The following MTCL3 variants were observed in gnomAD, a reference collection of about 807,000 sequenced individuals.
MTCL3 encodes microtubule cross-linking factor 3.
chr6:127,508,864 A>G, the MTCL3 span, among the ~76,000 whole-genome samples: 1 of 152,204 alleles, frequency 6.6e-6, no homozygotes, highest in Non-Finnish European at 1.5e-5. Flanking sequence ...GCGGAACCTC[A>G]TGACAGGCAG....
chr6:127,515,007 C>T, the MTCL3 span: 2 of 1,614,160 alleles, frequency 1.2e-6, no homozygotes, highest in African/African-American at 1.3e-5. The surrounding 1 kb of genome is among the most constrained non-coding windows in gnomAD (Gnocchi z 4.3). Flanking sequence ...GAAAGTGTCC[C>T]TCATCTCGTC....
At chr6:127,512,969 A>G in the MTCL3 span, 130 of 1,611,810 alleles carry the variant, frequency 8.1e-5, no homozygotes, top group Admixed American at 5.0e-4. Context: ...TCAGTTTCTC[A>G]TTTTCATCTT....
the MTCL3 span, chr6:127,476,505 C>A: frequency 6.8e-7 from 1 of 1,481,422 alleles, no homozygotes; most frequent in Non-Finnish European, 9.0e-7. This position sits in a 1 kb window ranked among gnomAD's most constrained non-coding sequence, Gnocchi z 4.4. Context: ...GATAGGAGAT[C>A]ATTTTTATGT....
the MTCL3 span, chr6:127,515,822 T>C: frequency 6.2e-7 from 1 of 1,603,988 alleles, no homozygotes; most frequent in Non-Finnish European, 8.5e-7. The surrounding 1 kb of genome is among the most constrained non-coding windows in gnomAD (Gnocchi z 4.3). Context: ...CGCTCCTTCT[T>C]GAGATGGAAC....
At chr6:127,488,948 A>T in the MTCL3 span, among the ~76,000 whole-genome samples, 3 of 152,246 alleles carry the variant, frequency 2.0e-5, no homozygotes, top group South Asian at 6.2e-4. Flanking sequence ...TAGAGTTGAT[A>T]TAAAGCACAG....
the MTCL3 span, among the ~76,000 whole-genome samples, chr6:127,512,230 A>G: frequency 6.6e-6 from 1 of 152,200 alleles, no homozygotes; most frequent in African/African-American, 2.4e-5. Context: ...GACATGAAGG[A>G]GAACTTTACT....
At chr6:127,475,649 T>C in the MTCL3 span, 1 of 1,594,916 alleles carries the variant, frequency 6.3e-7, no homozygotes, top group Non-Finnish European at 8.5e-7. The surrounding 1 kb of genome is among the most constrained non-coding windows in gnomAD (Gnocchi z 7.3). Flanking sequence ...CGAGTGGGCG[T>C]GAGGCAGCGG....
chr6:127,479,847 T>A, the MTCL3 span, among the ~76,000 whole-genome samples: 2 of 152,192 alleles, frequency 1.3e-5, no homozygotes, highest in African/African-American at 2.4e-5. Flanking sequence ...TGCATCCTGA[T>A]CTTGTAACCC....
chr6:127,475,734 G>C, the MTCL3 span: 3 of 1,594,154 alleles, frequency 1.9e-6, no homozygotes, highest in Non-Finnish European at 2.6e-6. The surrounding 1 kb of genome is among the most constrained non-coding windows in gnomAD (Gnocchi z 7.3). Flanking sequence ...GCCGCGAGTC[G>C]TCGTCGCTCT....
At chr6:127,514,886 G>C in the MTCL3 span, 9 of 1,614,026 alleles carry the variant, frequency 5.6e-6, no homozygotes, top group Non-Finnish European at 7.6e-6. Flanking sequence ...GGGCGTAGCG[G>C]AGCCTTTTGC....
the MTCL3 span, chr6:127,515,522 T>C: frequency 6.9e-7 from 1 of 1,444,466 alleles, no homozygotes; most frequent in South Asian, 1.6e-5. This position sits in a 1 kb window ranked among gnomAD's most constrained non-coding sequence, Gnocchi z 4.3. Context: ...ACCTTGAGAG[T>C]CTCGTTTTCC....
the MTCL3 span, chr6:127,475,250 C>A: frequency 6.5e-7 from 1 of 1,540,420 alleles, no homozygotes; most frequent in Non-Finnish European, 8.8e-7. This position sits in a 1 kb window ranked among gnomAD's most constrained non-coding sequence, Gnocchi z 7.3. Context: ...GCTCCACGGG[C>A]CAGCCTGGCC....
chr6:127,476,742 G>A, the MTCL3 span, among the ~76,000 whole-genome samples: 29 of 152,208 alleles, frequency 1.9e-4, no homozygotes, highest in Non-Finnish European at 3.8e-4. The surrounding 1 kb of genome is among the most constrained non-coding windows in gnomAD (Gnocchi z 4.4). Flanking sequence ...ATTATATGTT[G>A]TAACTGCATA....
the MTCL3 span, among the ~76,000 whole-genome samples, chr6:127,511,671 G>A: frequency 3.3e-5 from 5 of 152,196 alleles, no homozygotes; most frequent in South Asian, 2.1e-4. Flanking sequence ...AGCACAGAGC[G>A]ACTCCTAGCT....
At chr6:127,495,433 C>T in the MTCL3 span, among the ~76,000 whole-genome samples, 3 of 151,906 alleles carry the variant, frequency 2.0e-5, no homozygotes, top group African/African-American at 7.3e-5. Flanking sequence ...AAACTGTGGC[C>T]AACATTTATA....
the MTCL3 span, chr6:127,481,276 G>A: frequency 2.0e-6 from 2 of 983,624 alleles, no homozygotes; most frequent in Non-Finnish European, 2.4e-6. Flanking sequence ...GGCAACACGT[G>A]AAATGATTCA....
the MTCL3 span, among the ~76,000 whole-genome samples, chr6:127,499,044 T>G: frequency 6.6e-6 from 1 of 152,074 alleles, no homozygotes; most frequent in South Asian, 2.1e-4. Flanking sequence ...ATTGTACAAT[T>G]AAGTGAATTT....
At chr6:127,487,230 A>G in the MTCL3 span, among the ~76,000 whole-genome samples, 6 of 152,310 alleles carry the variant, frequency 3.9e-5, no homozygotes, top group Non-Finnish European at 8.8e-5. Flanking sequence ...TGTTACTTCG[A>G]CAGAAAAAGG....
At chr6:127,475,419 C>T in the MTCL3 span, 3 of 1,613,292 alleles carry the variant, frequency 1.9e-6, no homozygotes, top group South Asian at 3.3e-5. The surrounding 1 kb of genome is among the most constrained non-coding windows in gnomAD (Gnocchi z 7.3). Flanking sequence ...GGTAGAGCAG[C>T]TCGTGCTCCC....
Sources: allele counts gnomAD v4.1 joint callset (sites outside exome capture counted in the v4.1 genomes callset), GRCh38; gene constraint gnomAD v4.1.1; non-coding constraint Gnocchi (gnomAD v3.1); transcripts MANE v1.5; gene names NCBI Gene and HGNC (gene_info 2026-07-23, HGNC 2026-07-21).